Variants in CNTNAP2 observed in about 807,000 individuals in gnomAD.
CNTNAP2 encodes contactin associated protein 2.
CNTNAP2 carries 98 observed loss-of-function variants against 155.2 expected under a neutral mutation model. That is an observed-to-expected ratio of 0.63 (90% CI 0.54 to 0.75). CNTNAP2 has a LOEUF of 0.75. Ranked by LOEUF, CNTNAP2 falls within the 30% of genes least tolerant of loss-of-function variation. CNTNAP2 has a pLI of 0.00. For missense variants in CNTNAP2, 1,727 were observed against 1,688.1 expected (o/e 1.02, Z -0.40); for synonymous variants, 651 against 631.2 (o/e 1.03, Z -0.47).
At chr7:148,201,540 A>C (rs1367315710) in intron 18 of CNTNAP2, among the ~76,000 whole-genome samples, 1 of 152,226 alleles carries the variant, frequency 6.6e-6, no homozygotes, top group East Asian at 1.9e-4. Flanking sequence ...TTATTAAACC[A>C]GTTTGTCTTC....
In CNTNAP2 at chr7:146,802,454, A is replaced by C. The variant is rs1413104900; in HGVS notation, c.208+28073A>C. ...GGCTATGTGTTCGCACCCAAATCTC[A>C]TGTTAAATTGTAATTCCCAACGTTG... On this transcript the variant is annotated intron_variant, in intron 2 of 23. Coordinates refer to ENST00000361727, the MANE Select transcript of CNTNAP2 (RefSeq NM_014141.6). Among the ~76,000 whole-genome samples, 9 of 152,310 alleles carry C rather than the reference A, an allele frequency of 5.9e-5. No individual in the cohort carries two copies. The East Asian group carries it at 1.4e-3, about 23-fold the overall frequency.
chr7:147,646,587 A>AT (rs5888278), intron 13 of CNTNAP2, among the ~76,000 whole-genome samples: 44,087 of 150,784 alleles, frequency 0.29, 6,647 homozygotes, highest in Middle Eastern at 0.35. Flanking sequence ...TTATGTACCA[A>AT]TTTTTTTTTT....
intron 13 of CNTNAP2, among the ~76,000 whole-genome samples, chr7:147,758,240 C>T (rs1318609116): frequency 6.6e-6 from 1 of 152,178 alleles, no homozygotes; most frequent in East Asian, 1.9e-4. Context: ...AGCTAAAAGT[C>T]TGTTTCTCGA....
At chr7:147,599,418 G>A (rs911697187) in intron 12 of CNTNAP2, among the ~76,000 whole-genome samples, 3 of 150,990 alleles carry the variant, frequency 2.0e-5, no homozygotes, top group Non-Finnish European at 4.4e-5. Context: ...AGGAGGTGGA[G>A]GTTGCGGTAA....
chr7:147,460,001 G>A (rs537043382), intron 10 of CNTNAP2, among the ~76,000 whole-genome samples: 63 of 152,062 alleles, frequency 4.1e-4, no homozygotes, highest in Non-Finnish European at 7.4e-4. Flanking sequence ...AGGGGATGGT[G>A]GGCTAGGGGC....
chr7:147,526,548 C>T (rs17225888), intron 11 of CNTNAP2, among the ~76,000 whole-genome samples: 1 of 151,986 alleles, frequency 6.6e-6, no homozygotes, highest in Non-Finnish European at 1.5e-5. Context: ...TGGTTTAGTG[C>T]TCATTGCTTG....
intron 21 of CNTNAP2, among the ~76,000 whole-genome samples, chr7:148,376,841 G>T (rs79150086): frequency 0.024 from 1,624 of 67,840 alleles, 595 homozygotes; most frequent in Middle Eastern, 0.085. Context: ...AGACATCACT[G>T]ATCAAAAACT....
chr7:146,453,747 T>C (rs1422165383), intron 1 of CNTNAP2, among the ~76,000 whole-genome samples: 2 of 152,202 alleles, frequency 1.3e-5, no homozygotes, highest in Non-Finnish European at 2.9e-5. Flanking sequence ...AAAGAGACTC[T>C]GATTTAACTT....
intron 13 of CNTNAP2, among the ~76,000 whole-genome samples, chr7:147,739,664 A>C (rs1287615752): frequency 6.6e-6 from 1 of 152,192 alleles, no homozygotes; most frequent in Admixed American, 6.5e-5. Context: ...GAGAAGCTGA[A>C]AATTGGAAGG....
At chr7:148,052,921 C>T (rs1443731037) in intron 15 of CNTNAP2, among the ~76,000 whole-genome samples, 1 of 152,248 alleles carries the variant, frequency 6.6e-6, no homozygotes, top group East Asian at 1.9e-4. Flanking sequence ...GTGGCGCACG[C>T]CTGTAGTCCC....
chr7:147,726,457 C>A (rs1796644816), intron 13 of CNTNAP2, among the ~76,000 whole-genome samples: 6 of 151,956 alleles, frequency 3.9e-5, no homozygotes, highest in Admixed American at 3.9e-4. Context: ...AGAGGGTGGA[C>A]TATAGCCTCA....
chr7:147,050,571 G>A (rs1211630444), intron 4 of CNTNAP2, among the ~76,000 whole-genome samples: 3 of 152,122 alleles, frequency 2.0e-5, no homozygotes, highest in Non-Finnish European at 2.9e-5. Flanking sequence ...ATAAGTAAAA[G>A]ACAGTGTTTG....
intron 13 of CNTNAP2, among the ~76,000 whole-genome samples, chr7:147,859,317 C>G (rs182013667): frequency 6.6e-6 from 1 of 151,050 alleles, no homozygotes; most frequent in Non-Finnish European, 1.5e-5. Flanking sequence ...TTTGTCATCT[C>G]ATGAGATCAC....
intron 1 of CNTNAP2, among the ~76,000 whole-genome samples, chr7:146,705,310 G>A (rs1800943882): frequency 6.6e-6 from 1 of 152,116 alleles, no homozygotes; most frequent in South Asian, 2.1e-4. Context: ...CCTGATAGGT[G>A]AGAAGTCCAA....
At chr7:147,195,124 C>T (rs951677157) in intron 8 of CNTNAP2, among the ~76,000 whole-genome samples, 6 of 152,156 alleles carry the variant, frequency 3.9e-5, no homozygotes, top group East Asian at 1.9e-4. Context: ...AGTCCAGTTT[C>T]GGTTTTCTGC....
chr7:147,127,323 T>C (rs1159072641), intron 6 of CNTNAP2, among the ~76,000 whole-genome samples: 1 of 152,148 alleles, frequency 6.6e-6, no homozygotes, highest in Non-Finnish European at 1.5e-5. Context: ...TGGCAAATAA[T>C]ACATATTCAG....
intron 1 of CNTNAP2, among the ~76,000 whole-genome samples, chr7:146,316,224 C>T (rs1485203623): frequency 1.3e-5 from 2 of 151,922 alleles, no homozygotes; most frequent in Non-Finnish European, 2.9e-5. Context: ...CCAAATGTTA[C>T]TTCATAACAT....
intron 4 of CNTNAP2, among the ~76,000 whole-genome samples, chr7:147,056,474 G>A (rs1484987942): frequency 6.6e-6 from 1 of 152,084 alleles, no homozygotes; most frequent in Non-Finnish European, 1.5e-5. Flanking sequence ...CAAAGGACAG[G>A]GACTGAGCTC....
intron 1 of CNTNAP2, among the ~76,000 whole-genome samples, chr7:146,600,019 G>T (rs1311123164): frequency 6.6e-6 from 1 of 151,876 alleles, no homozygotes; most frequent in African/African-American, 2.4e-5. Context: ...CATACTTAAG[G>T]GTTAGTCTAA....
Sources: allele counts gnomAD v4.1 joint callset (sites outside exome capture counted in the v4.1 genomes callset), GRCh38; gene constraint gnomAD v4.1.1; transcripts MANE v1.5; gene names NCBI Gene and HGNC (gene_info 2026-07-23, HGNC 2026-07-21).